TSPAN18: variants seen among roughly 807,000 people sequenced by gnomAD.
TSPAN18 encodes tetraspanin-18.
In TSPAN18, 14 loss-of-function variants were observed where a neutral mutation model predicts 27.3. The ratio of observed to expected loss-of-function variants is 0.51; its 90% confidence interval spans 0.34 to 0.80. The LOEUF is 0.80. Among genes scored for constraint, TSPAN18 ranks in the 30% least tolerant of loss-of-function variants. TSPAN18 has a pLI of 0.01. For synonymous variants in TSPAN18, 143 were observed against 136.5 expected (o/e 1.05, Z -0.33); for missense variants, 268 against 323.9 (o/e 0.83, Z 1.32).
At chr11:44,795,478 A>T (rs1246394113) in intron 2 of TSPAN18, among the ~76,000 whole-genome samples, 1 of 152,038 alleles carries the variant, frequency 6.6e-6, no homozygotes, top group Non-Finnish European at 1.5e-5. Flanking sequence ...ACCTCCACTC[A>T]TCCAAGCAGT....
chr11:44,848,101 G>T (rs1857522138), intron 2 of TSPAN18, among the ~76,000 whole-genome samples: 1 of 152,172 alleles, frequency 6.6e-6, no homozygotes. Context: ...TTCCCAAAGT[G>T]CTGGGATTAC....
intron 2 of TSPAN18, among the ~76,000 whole-genome samples, chr11:44,824,662 C>T (rs1270890042): frequency 3.3e-5 from 5 of 152,252 alleles, no homozygotes; most frequent in Non-Finnish European, 7.3e-5. Flanking sequence ...CCTGGGATTC[C>T]AGAGGCCGGC....
chr11:44,747,145 C>T (rs1565131725), intron 1 of TSPAN18, among the ~76,000 whole-genome samples: 1 of 152,276 alleles, frequency 6.6e-6, no homozygotes, highest in South Asian at 2.1e-4. Flanking sequence ...GCCAGGCCCT[C>T]TCACAGGCGA....
chr11:44,777,118 GC>G (rs760455171), intron 2 of TSPAN18, among the ~76,000 whole-genome samples: 3 of 152,202 alleles, frequency 2.0e-5, no homozygotes, highest in Non-Finnish European at 2.9e-5. Flanking sequence ...CCCTGCCATG[GC>G]CCCTGAAGTA....
chr11:44,769,842 T>G (rs1258126876), intron 2 of TSPAN18, among the ~76,000 whole-genome samples: 1 of 152,232 alleles, frequency 6.6e-6, no homozygotes, highest in Non-Finnish European at 1.5e-5. Context: ...TCTATTGATT[T>G]TATAGATCTT....
At chr11:44,794,814 C>T (rs993680272) in intron 2 of TSPAN18, among the ~76,000 whole-genome samples, 3 of 152,140 alleles carry the variant, frequency 2.0e-5, no homozygotes, top group African/African-American at 7.2e-5. Flanking sequence ...ATAATGAAAG[C>T]GCCTGTCTGA....
At chr11:44,766,997 C>G (rs528371055) in intron 2 of TSPAN18, among the ~76,000 whole-genome samples, 1 of 152,270 alleles carries the variant, frequency 6.6e-6, no homozygotes, top group African/African-American at 2.4e-5. Context: ...AATGGCAGCC[C>G]CCTTGGAATA....
intron 2 of TSPAN18, among the ~76,000 whole-genome samples, chr11:44,781,807 A>G (rs1457575060): frequency 6.6e-6 from 1 of 152,186 alleles, no homozygotes; most frequent in Non-Finnish European, 1.5e-5. Context: ...GAAATTTTCC[A>G]TCAGCCCAGA....
intron 2 of TSPAN18, among the ~76,000 whole-genome samples, chr11:44,816,036 C>T (rs1034165094): frequency 2.0e-5 from 3 of 152,208 alleles, no homozygotes; most frequent in African/African-American, 4.8e-5. Flanking sequence ...GAGCTCTTAT[C>T]GTGCCTTCCT....
chr11:44,906,541 A>T, intron 4 of TSPAN18, 62 bp downstream of exon 4: 1 of 1,474,242 alleles, frequency 6.8e-7, no homozygotes, highest in Non-Finnish European at 9.5e-7. Flanking sequence ...GCTGCTTTGA[A>T]ATAGTCACAC....
At chr11:44,922,345 C>G (rs1039868377) in intron 8 of TSPAN18, among the ~76,000 whole-genome samples, 1 of 152,208 alleles carries the variant, frequency 6.6e-6, no homozygotes, top group African/African-American at 2.4e-5. Flanking sequence ...TCTCAAACTC[C>G]TGACCTCAAA....
chr11:44,846,634 G>A (rs913813238), intron 2 of TSPAN18, among the ~76,000 whole-genome samples: 2 of 141,440 alleles, frequency 1.4e-5, no homozygotes, highest in South Asian at 2.3e-4. Context: ...GTCTATGTCT[G>A]TGTGCACCTG....
chr11:44,846,930 G>A (rs557730920), intron 2 of TSPAN18, among the ~76,000 whole-genome samples: 9 of 152,092 alleles, frequency 5.9e-5, no homozygotes, highest in Admixed American at 1.3e-4. Context: ...TGCACAGAGC[G>A]GAGAACTCCA....
At chr11:44,864,763 ACC>A (rs903320495) in intron 3 of TSPAN18, among the ~76,000 whole-genome samples, 11 of 151,626 alleles carry the variant, frequency 7.3e-5, no homozygotes, top group Non-Finnish European at 1.3e-4. Context: ...TTCATTTTTC[ACC>A]CCCCTTTGAT....
Position 44,903,474 on chromosome 11 carries a change from G to C in TSPAN18, c.-10-2933G>C, listed in dbSNP as rs1273753145. 6.6e-6 allele frequency: 3 copies of C among 456,646 alleles called. No individual in the cohort carries two copies. In the Admixed American group the frequency reaches 7.0e-5, roughly 11 times the overall value. The allele number at this position is 456,646 out of a possible 1,614,324, so 28.3% of individuals were successfully genotyped here. A position where few individuals can be genotyped will look rare whatever the true frequency, so the allele number is the denominator to read the frequency against. ...GTAGGAGGCAGCTTGGTCTCCTGTA[G>C]AGGTTGGGTTCCAGCAAGAGAGGGC... On this transcript the variant is annotated intron_variant, in intron 3 of 9. Coordinates refer to ENST00000520358, the MANE Select transcript of TSPAN18 (RefSeq NM_130783.5).
intron 2 of TSPAN18, among the ~76,000 whole-genome samples, chr11:44,842,219 G>T (rs1857388172): frequency 6.6e-6 from 1 of 152,194 alleles, no homozygotes; most frequent in Non-Finnish European, 1.5e-5. Context: ...GCCTCCTCAG[G>T]TCCAACCGTG....
At chr11:44,832,758 C>A (rs1022948118) in intron 2 of TSPAN18, among the ~76,000 whole-genome samples, 1 of 152,172 alleles carries the variant, frequency 6.6e-6, no homozygotes, top group African/African-American at 2.4e-5. Context: ...TTTGCCACAG[C>A]CTGCAGCCTT....
intron 3 of TSPAN18, among the ~76,000 whole-genome samples, chr11:44,882,466 C>A (rs2135261944): frequency 2.0e-5 from 3 of 152,180 alleles, no homozygotes; most frequent in Middle Eastern, 3.4e-3. Flanking sequence ...GGGTCATAGT[C>A]CCAGGGCAGG....
chr11:44,809,288 A>T lies in TSPAN18; in HGVS notation c.-153+44776A>T, dbSNP rs540628288. Among the ~76,000 whole-genome samples the T allele has an allele frequency of 3.9e-5, 6 of 152,102 alleles. No individual in the cohort carries two copies. The East Asian group carries it at 1.2e-3, about 30-fold the overall frequency. The stretch of plus-strand genomic sequence containing the variant: ...GAGTTTCTAACACTGGGGAGCACTC[A>T]TATATTTTCCCATTTATCTCCACCG... On this transcript the variant is annotated intron_variant, in intron 2 of 9. Coordinates refer to ENST00000520358, the MANE Select transcript of TSPAN18 (RefSeq NM_130783.5).
Sources: gnomAD v4.1 joint callset for allele counts (sites outside exome capture counted in the v4.1 genomes callset) on GRCh38, gnomAD v4.1.1 for gene constraint, MANE v1.5 for transcripts, NCBI Gene and HGNC (gene_info 2026-07-23, HGNC 2026-07-21) for gene names.